Variants in JAML observed in about 807,000 individuals in gnomAD.
The protein encoded by JAML is junctional adhesion molecule-like.
A neutral mutation model predicts 39.3 loss-of-function variants in JAML; 25 were observed. That is an observed-to-expected ratio of 0.64 (90% confidence interval 0.46 to 0.89). The LOEUF (loss-of-function observed/expected upper bound fraction) is 0.89, where lower values mean the gene tolerates loss of function less well. Ranked by LOEUF, JAML falls within the 40% of genes least tolerant of loss-of-function variation. The pLI, the probability that JAML is intolerant of heterozygous loss-of-function variation, is 0.00. For missense variants in JAML, 440 were observed against 486.9 expected, an observed-to-expected ratio of 0.90 and a Z score of 0.91; for synonymous variants, 162 against 179.2, an observed-to-expected ratio of 0.90 and a Z score of 0.77.
chr11:118,220,027 C>T (rs1949194029), intron 1 of JAML, among the ~76,000 whole-genome samples: 1 of 152,220 alleles, frequency 6.6e-6, no homozygotes, highest in Admixed American at 6.5e-5. Flanking sequence ...CTGCCTTGCC[C>T]GGGAGAGAGG....
intron 3 of JAML, 58 bp downstream of exon 3, chr11:118,212,349 T>C: frequency 6.3e-7 from 1 of 1,584,656 alleles, no homozygotes; most frequent in South Asian, 1.1e-5. Context: ...TACACCACTC[T>C]GTCCTGACAC....
At chr11:118,219,202 C>A (rs1949181848) in intron 1 of JAML, among the ~76,000 whole-genome samples, 1 of 152,096 alleles carries the variant, frequency 6.6e-6, no homozygotes, top group Non-Finnish European at 1.5e-5. Flanking sequence ...CATGGAAATG[C>A]AAATCAAACC....
At position 118,213,044 on chromosome 11, in the gene JAML, T is replaced by G. The variant is rs950362991; in HGVS notation, c.44-483A>C. ...TTTACAAAAGCATTTGCTGGCTGAT[T>G]CTGGCTGTAGGGCAGGTCCTTGTAA... is the stretch of plus-strand genomic sequence containing the variant. On this transcript the variant is annotated intron_variant, in intron 2 of 9. Transcript: ENST00000356289. 288 of 1,601,390 alleles carry G rather than the reference T, an allele frequency of 1.8e-4. 2 individuals carry two copies. The highest frequency in any genetic ancestry group is 3.1e-4 in the Admixed American group (18 of 58,516).
chr11:118,194,388 A>G lies in JAML; in HGVS notation c.1122T>C (p.Asp374=). Reference sequence around the variant, plus strand: ...ACTTTTTTTCAAGTGAGTTGTTCCGATCTGACCTCAGAGAAGGCCAAACTG... The same window carrying G: ...ACTTTTTTTCAAGTGAGTTGTTCCGGTCTGACCTCAGAGAAGGCCAAACTG... ...MHPVWPSLRS[D]RNNSLEKKSG... Residue 374 remains aspartate (D), a synonymous_variant, in exon 10 of 10, where the codon GAT becomes GAC. Transcript: ENST00000356289. The G allele has an allele frequency of 6.2e-7, 1 of 1,614,032 alleles. No individual in the cohort carries two copies. The highest frequency in any genetic ancestry group is 8.5e-7 in the Non-Finnish European group (1 of 1,179,976).
chr11:118,209,708 TA>T (rs1013938153), intron 4 of JAML, among the ~76,000 whole-genome samples: 32 of 148,424 alleles, frequency 2.2e-4, no homozygotes, highest in Middle Eastern at 3.4e-3. Context: ...ATTTTTTTTT[TA>T]TTTTTTATTT....
At chr11:118,211,478 G>T (rs1046877328) in intron 3 of JAML, among the ~76,000 whole-genome samples, 1 of 152,080 alleles carries the variant, frequency 6.6e-6, no homozygotes, top group East Asian at 1.9e-4. Flanking sequence ...AAACTCTTGA[G>T]CTCAAGTGAT....
chr11:118,201,203 G>C (rs1948789175), intron 6 of JAML: 1 of 152,538 alleles, frequency 6.6e-6, no homozygotes, highest in Non-Finnish European at 1.5e-5. Context: ...AAAACCACAG[G>C]CTGCTGTAGG....
intron 4 of JAML, among the ~76,000 whole-genome samples, chr11:118,208,446 C>T (rs1021268080): frequency 1.3e-5 from 2 of 152,208 alleles, no homozygotes; most frequent in African/African-American, 2.4e-5. Flanking sequence ...TCATTCATTC[C>T]ACAAATGCTT....
intron 6 of JAML, 123 bp from the exon 7 acceptor site, chr11:118,200,735 C>T: frequency 9.2e-7 from 1 of 1,088,966 alleles, no homozygotes; most frequent in Non-Finnish European, 1.3e-6. Flanking sequence ...CAGACTCCAC[C>T]CCATATCTGG....
chr11:118,199,693 A>ATTT (rs34379845), intron 7 of JAML, among the ~76,000 whole-genome samples: 16 of 107,110 alleles, frequency 1.5e-4, no homozygotes, highest in Non-Finnish European at 1.9e-4. Context: ...TATTATTATT[A>ATTT]TTTTTTTTTT....
chr11:118,211,806 GCT>G (rs1949065582), intron 3 of JAML, among the ~76,000 whole-genome samples: 1 of 152,120 alleles, frequency 6.6e-6, no homozygotes, highest in African/African-American at 2.4e-5. Flanking sequence ...ACTCCAAAGA[GCT>G]CCATGAAAGA....
In JAML at chr11:118,195,163, T is replaced by C. The variant is rs141255680; in HGVS notation, c.1093-746A>G. On this transcript the variant is annotated intron_variant, in intron 9 of 9. Transcript: ENST00000356289. ...CTCAGCAGTAGCCACAAGGCAGCTG[T>C]ATCAGCAGGTCTCCAGGAGCCAGGA... is the stretch of plus-strand genomic sequence containing the variant. Among the ~76,000 whole-genome samples, 7 of 152,284 alleles carry C rather than the reference T, an allele frequency of 4.6e-5. No individual in the cohort carries two copies. In the East Asian group the frequency reaches 1.4e-3, roughly 29 times the overall value.
At chr11:118,213,598 G>A (rs1375581914) in intron 2 of JAML, among the ~76,000 whole-genome samples, 1 of 152,236 alleles carries the variant, frequency 6.6e-6, no homozygotes, top group Non-Finnish European at 1.5e-5. Flanking sequence ...AGTGTAATAA[G>A]CGAATTTAAT....
At chr11:118,210,434 T>C (rs1949025017) in intron 4 of JAML, 53 bp downstream of exon 4, 18 of 1,576,588 alleles carry the variant, frequency 1.1e-5, no homozygotes, top group Non-Finnish European at 1.6e-5. Context: ...CCTTGCCTCT[T>C]GCACATGAAA....
chr11:118,214,959 G>A (rs945988192), intron 1 of JAML, 73 bp from the exon 2 acceptor site: 160 of 1,346,772 alleles, frequency 1.2e-4, no homozygotes, highest in Non-Finnish European at 1.6e-4. Context: ...CAATAGTGAA[G>A]GACTATACGG....
Position 118,193,942 on chromosome 11 carries a change from T to G in JAML, c.*383A>C, listed in dbSNP as rs1405405599. On this transcript the variant is annotated 3_prime_UTR_variant, in exon 10 of 10. Transcript: ENST00000356289. ...GACGATTTCCACAAACAACACTTAT[T>G]TAGAAATAATGTGCCAGAGGAATGA... 5.1e-6 allele frequency: 1 copy of G among 194,518 alleles called. No individual in the cohort carries two copies. Among genetic ancestry groups the G allele is most frequent in the Non-Finnish European group, 1.1e-5 (1 of 92,004 alleles). 12.0% of individuals were successfully genotyped at this position (194,518 alleles called of 1,614,324 possible). A position where few individuals can be genotyped will look rare whatever the true frequency, so the allele number is the denominator to read the frequency against.
At chr11:118,217,921 A>G (rs1180715600) in intron 1 of JAML, among the ~76,000 whole-genome samples, 1 of 152,204 alleles carries the variant, frequency 6.6e-6, no homozygotes, top group Non-Finnish European at 1.5e-5. Flanking sequence ...TCTGAAGTTT[A>G]TTTGTCTAAA....
chr11:118,213,018 C>G, intron 2 of JAML: 1 of 1,610,876 alleles, frequency 6.2e-7, no homozygotes, highest in Non-Finnish European at 8.5e-7. Context: ...CTTTTAGTTC[C>G]TTTACAAAAG....
chr11:118,221,874 G>T (rs1949213376), intron 1 of JAML, among the ~76,000 whole-genome samples: 1 of 152,108 alleles, frequency 6.6e-6, no homozygotes, highest in Non-Finnish European at 1.5e-5. Context: ...CTTGTAAATT[G>T]CTTACCATCT....
Sources: allele counts gnomAD v4.1 joint callset (sites outside exome capture counted in the v4.1 genomes callset), GRCh38; gene constraint gnomAD v4.1.1; transcripts MANE v1.5; gene names NCBI Gene and HGNC (gene_info 2026-07-23, HGNC 2026-07-21).